RYR3: variants seen among roughly 807,000 people sequenced by gnomAD.
The protein encoded by RYR3 is brain ryanodine receptor-calcium release channel.
In RYR3, 207 loss-of-function variants were observed where a neutral mutation model predicts 584.3. That is an observed-to-expected ratio of 0.35 (90% CI 0.32 to 0.40). The LOEUF is 0.40. Among genes scored for constraint, RYR3 ranks in the 10% least tolerant of loss-of-function variants. The probability of loss-of-function intolerance (pLI) is 1.00; values close to 1 mark genes in which losing one functional copy is unlikely to be tolerated. For missense variants in RYR3, 5,616 were observed against 6,089.2 expected, an observed-to-expected ratio of 0.92 and a Z score of 2.59; for synonymous variants, 2,416 against 2,248.5, an observed-to-expected ratio of 1.07 and a Z score of -2.11.
intron 38 of RYR3, among the ~76,000 whole-genome samples, chr15:33,692,948 C>G (rs992333762): frequency 2.6e-5 from 4 of 152,140 alleles, no homozygotes; most frequent in African/African-American, 9.7e-5. Context: ...GTAAAATTCT[C>G]TGTTGAAGAG....
At chr15:33,826,337 C>G (rs1349130229) in intron 83 of RYR3, 68 bp downstream of exon 83, 6 of 1,498,314 alleles carry the variant, frequency 4.0e-6, no homozygotes, top group African/African-American at 2.8e-5. Flanking sequence ...TTAATTGCCT[C>G]AGCACAGAAA....
intron 51 of RYR3, 124 bp downstream of exon 51, chr15:33,740,119 C>T (rs998593050): frequency 5.2e-6 from 4 of 776,154 alleles, no homozygotes; most frequent in African/African-American, 3.5e-5. Context: ...TTCATCATTT[C>T]TCTTGATGTG....
intron 43 of RYR3, among the ~76,000 whole-genome samples, chr15:33,715,507 T>G (rs1183228266): frequency 6.6e-6 from 1 of 152,234 alleles, no homozygotes; most frequent in Non-Finnish European, 1.5e-5. Context: ...ATATGGCTAG[T>G]TGCAGCTGGA....
intron 49 of RYR3, 52 bp from the exon 50 acceptor site, chr15:33,738,398 G>A: frequency 1.3e-6 from 2 of 1,557,746 alleles, no homozygotes; most frequent in South Asian, 2.4e-5. Context: ...TTTGATGCCT[G>A]TGGACTTTCT....
intron 1 of RYR3, among the ~76,000 whole-genome samples, chr15:33,373,681 T>G (rs1003332453): frequency 6.6e-6 from 1 of 152,236 alleles, no homozygotes; most frequent in Admixed American, 6.5e-5. Flanking sequence ...TTTTATGTTC[T>G]GATGTGTTTT....
intron 12 of RYR3, among the ~76,000 whole-genome samples, chr15:33,577,099 C>G (rs942708012): frequency 6.6e-6 from 1 of 152,128 alleles, no homozygotes; most frequent in African/African-American, 2.4e-5. Context: ...TTAAAAAACA[C>G]TCGTCAAAGA....
intron 38 of RYR3, among the ~76,000 whole-genome samples, chr15:33,692,226 G>T: frequency 6.6e-6 from 1 of 152,252 alleles, no homozygotes; most frequent in Middle Eastern, 3.4e-3. Flanking sequence ...CTGATGCACG[G>T]GAGCTAATTA....
intron 60 of RYR3, among the ~76,000 whole-genome samples, chr15:33,760,935 A>T (rs1229772762): frequency 1.3e-5 from 2 of 152,238 alleles, no homozygotes; most frequent in Non-Finnish European, 2.9e-5. Flanking sequence ...AGAACTCAGG[A>T]TTAAGAAACT....
intron 20 of RYR3, among the ~76,000 whole-genome samples, chr15:33,626,054 AAGCAGGCAGAGAGT>A (rs2060967878): frequency 6.6e-6 from 1 of 152,200 alleles, no homozygotes; most frequent in Non-Finnish European, 1.5e-5. Flanking sequence ...GCTGGTGCCC[AAGCAGGCAGAGAGT>A]AGAAGCATGA....
chr15:33,501,497 A>T (rs2051987201), intron 2 of RYR3, among the ~76,000 whole-genome samples: 1 of 152,198 alleles, frequency 6.6e-6, no homozygotes, highest in Admixed American at 6.5e-5. Flanking sequence ...TTTAAAGCAG[A>T]CTTTAAAGGG....
chr15:33,700,936 TC>T, intron 41 of RYR3, 40 bp from the exon 42 acceptor site: 1 of 1,454,190 alleles, frequency 6.9e-7, no homozygotes, highest in East Asian at 2.3e-5. Context: ...CTGAGTGTCT[TC>T]CTCTGTCCTT....
intron 1 of RYR3, among the ~76,000 whole-genome samples, chr15:33,365,016 G>A (rs1364797566): frequency 6.6e-6 from 1 of 152,156 alleles, no homozygotes; most frequent in East Asian, 1.9e-4. Context: ...TACTGAAGAT[G>A]GACAGAGGGA....
rs1012810264 is a variant in RYR3 at position 33,504,417 on chromosome 15, T to C, written c.279+679T>C. On this transcript the variant is annotated intron_variant, in intron 3 of 103. Coordinates refer to ENST00000634891, the MANE Select transcript of RYR3 (RefSeq NM_001036.6). The stretch of plus-strand genomic sequence containing the variant: ...TATTTGTCATCAAATACTTTAATTC[T>C]ACTGCCTGAATATCTCAAATTCAAC... Among the ~76,000 whole-genome samples, 3 of 152,246 alleles carry C rather than the reference T, an allele frequency of 2.0e-5. No individual in the cohort carries two copies. The South Asian group carries it at 6.2e-4, about 32-fold the overall frequency.
chr15:33,775,362 T>TA (rs2073927611), intron 64 of RYR3, among the ~76,000 whole-genome samples: 1 of 152,054 alleles, frequency 6.6e-6, no homozygotes, highest in African/African-American at 2.4e-5. Flanking sequence ...TTGTGTGTTT[T>TA]AAAATGGAGG....
At chr15:33,499,152 C>G (rs1301490314) in intron 2 of RYR3, among the ~76,000 whole-genome samples, 1 of 152,026 alleles carries the variant, frequency 6.6e-6, no homozygotes, top group Non-Finnish European at 1.5e-5. Context: ...AGCCTCACTT[C>G]TAACCTCCCC....
chr15:33,735,547 G>A (rs1295626811), intron 48 of RYR3, among the ~76,000 whole-genome samples: 1 of 152,120 alleles, frequency 6.6e-6, no homozygotes, highest in African/African-American at 2.4e-5. Context: ...ACCTTTCTCT[G>A]GAGAAAACCA....
At chr15:33,543,773 A>G in intron 8 of RYR3, 58 bp downstream of exon 8, 4 of 1,105,416 alleles carry the variant, frequency 3.6e-6, no homozygotes, top group East Asian at 2.3e-5. Context: ...GACTCAAACT[A>G]AAGAGTTTAC....
At chr15:33,595,660 G>A (rs569209569) in intron 16 of RYR3, among the ~76,000 whole-genome samples, 4 of 152,162 alleles carry the variant, frequency 2.6e-5, no homozygotes, top group Non-Finnish European at 4.4e-5. Context: ...ATCTTCTATC[G>A]GGCCTGAAGA....
intron 16 of RYR3, among the ~76,000 whole-genome samples, chr15:33,591,865 A>C (rs995462326): frequency 2.6e-5 from 4 of 152,236 alleles, no homozygotes; most frequent in Admixed American, 2.6e-4. Flanking sequence ...ACTTGACATA[A>C]AAATCTCAGA....
Sources: gnomAD v4.1 joint callset for allele counts (sites outside exome capture counted in the v4.1 genomes callset) on GRCh38, gnomAD v4.1.1 for gene constraint, MANE v1.5 for transcripts, NCBI Gene and HGNC (gene_info 2026-07-23, HGNC 2026-07-21) for gene names.